PTCHD4: variants seen among roughly 807,000 people sequenced by gnomAD.
PTCHD4 encodes patched domain containing 4.
PTCHD4 carries 33 observed loss-of-function variants against 58.1 expected under a neutral mutation model. The ratio of observed to expected loss-of-function variants is 0.57; its 90% CI spans 0.43 to 0.76. The LOEUF (loss-of-function observed/expected upper bound fraction) is 0.76. Ranked by LOEUF, PTCHD4 falls within the 30% of genes least tolerant of loss-of-function variation. The pLI is 0.00. For synonymous variants in PTCHD4, 478 were observed against 409.6 expected, an observed-to-expected ratio of 1.17 and a Z score of -2.02; for missense variants, 1,058 against 1,027.1, an observed-to-expected ratio of 1.03 and a Z score of -0.41.
At chr6:47,985,048 C>T (rs1252404158) in intron 4 of PTCHD4, among the ~76,000 whole-genome samples, 1 of 151,970 alleles carries the variant, frequency 6.6e-6, no homozygotes, top group Non-Finnish European at 1.5e-5. Context: ...ATGACCATTC[C>T]AACAAATTTT....
intron 4 of PTCHD4, among the ~76,000 whole-genome samples, chr6:47,965,386 A>G (rs969532943): frequency 6.6e-6 from 1 of 152,178 alleles, no homozygotes; most frequent in Non-Finnish European, 1.5e-5. Flanking sequence ...GCATCTGTGT[A>G]TTTTTTAAAA....
intron 1 of PTCHD4, among the ~76,000 whole-genome samples, chr6:48,076,481 T>A (rs781206447): frequency 2.6e-5 from 4 of 152,228 alleles, no homozygotes; most frequent in Non-Finnish European, 4.4e-5. Flanking sequence ...TCAGTATCTA[T>A]GGCAGCTAAG....
chr6:47,976,172 T>A (rs1308383871), intron 4 of PTCHD4, among the ~76,000 whole-genome samples: 1 of 152,150 alleles, frequency 6.6e-6, no homozygotes, highest in Admixed American at 6.5e-5. Context: ...AGCTAGAAAA[T>A]CAATACTTCC....
At chr6:47,894,009 A>G (rs890727425) in intron 4 of PTCHD4, among the ~76,000 whole-genome samples, 1 of 152,218 alleles carries the variant, frequency 6.6e-6, no homozygotes, top group Non-Finnish European at 1.5e-5. Context: ...CTCATCTCTA[A>G]TTTATTCTGC....
intron 4 of PTCHD4, among the ~76,000 whole-genome samples, chr6:47,932,137 T>A (rs1229281029): frequency 1.3e-5 from 2 of 152,146 alleles, no homozygotes; most frequent in Admixed American, 6.5e-5. Flanking sequence ...CACTGAAGAA[T>A]CCCCAGGGTG....
rs1763912108 is a variant in PTCHD4, at chr6:47,878,609, T to C, written c.2226A>G (p.Thr742=). 6.2e-7 allele frequency: 1 copy of C among 1,613,466 alleles called. No homozygotes were observed. The highest frequency in any genetic ancestry group is 1.7e-5 in the Admixed American group (1 of 59,876). Reference sequence around the variant, plus strand: ...CTTGCAAGGAGCTTTTTATACATTGTGTTCGGGTGTGCTCAGTTGCTAATA... The same window carrying C: ...CTTGCAAGGAGCTTTTTATACATTGCGTTCGGGTGTGCTCAGTTGCTAATA... ...TFVLATEHTR[T]QCIKSSLQDH... The change falls in exon 5 of 5, where the codon ACA becomes ACG. Residue 742 remains threonine, a synonymous_variant. Transcript: ENST00000339488.
At position 47,879,249 on chromosome 6, in the gene PTCHD4, C is replaced by T. The variant is rs771804712; in HGVS notation, c.1586G>A (p.Ser529Asn). 6.2e-7 allele frequency: 1 copy of T among 1,612,810 alleles called. No homozygotes were observed. The highest frequency in any genetic ancestry group is 1.7e-5 in the Admixed American group (1 of 59,800). The change falls in exon 5 of 5, where the codon AGC becomes AAC. Residue 529 changes from serine (S) to asparagine (N), a missense_variant. Coordinates refer to ENST00000339488, the MANE Select transcript of PTCHD4 (RefSeq NM_001384253.1). Reference protein sequence around the residue: ...YVYEPLEYWNSSVQDDLRRLC... With the variant: ...YVYEPLEYWNNSVQDDLRRLC... ...TCTTCTTAGGTCATCCTGGACGCTG[C>T]TGTTCCAGTACTCTAGGGGCTCATA... is the stretch of plus-strand genomic sequence containing the variant.
chr6:47,914,712 C>CTG (rs1561954465), intron 4 of PTCHD4, among the ~76,000 whole-genome samples: 1 of 77,864 alleles, frequency 1.3e-5, no homozygotes, highest in African/African-American at 3.4e-5. Flanking sequence ...CTGTCTGTCT[C>CTG]TCTGTCTGTC....
chr6:47,890,738 CT>C (rs757697371), intron 4 of PTCHD4, among the ~76,000 whole-genome samples: 3 of 152,266 alleles, frequency 2.0e-5, no homozygotes, highest in South Asian at 4.1e-4. Context: ...CCGGAGCTCT[CT>C]TTTCAGCTTT....
At chr6:48,041,729 A>AT (rs1020904658) in intron 3 of PTCHD4, among the ~76,000 whole-genome samples, 5 of 151,764 alleles carry the variant, frequency 3.3e-5, no homozygotes, top group Admixed American at 6.6e-5. Context: ...TTTTTGTTTT[A>AT]TTTTTTTAAT....
At chr6:48,051,843 G>A (rs754768235) in intron 3 of PTCHD4, among the ~76,000 whole-genome samples, 13 of 152,080 alleles carry the variant, frequency 8.5e-5, no homozygotes, top group Non-Finnish European at 1.6e-4. Context: ...TTTTTTAAAA[G>A]TATAGAGCTC....
At chr6:47,900,379 T>C (rs1278845856) in intron 4 of PTCHD4, 1 of 152,246 alleles carries the variant, frequency 6.6e-6, no homozygotes, top group Admixed American at 6.5e-5. Context: ...CTAATTATTT[T>C]GAGCATTTTA....
intron 3 of PTCHD4, among the ~76,000 whole-genome samples, chr6:48,061,158 C>T (rs1764614129): frequency 6.6e-6 from 1 of 152,198 alleles, no homozygotes; most frequent in Non-Finnish European, 1.5e-5. Context: ...AGGTTTAATG[C>T]TGCCACTATT....
Position 47,858,752 on chromosome 6 carries a change from A to C in PTCHD4, c.*19551T>G, listed in dbSNP as rs1334137375. 6.6e-6 allele frequency among the ~76,000 whole-genome samples: 1 copy of C among 152,054 alleles called. No homozygotes were observed. Among genetic ancestry groups the C allele is most frequent in the African/African-American group, 2.4e-5 (1 of 41,450 alleles). ...AAACCTGCTGATGTTAAGAAAACTA[A>C]AACAAGTTCCATACAAATGAAAATT... On this transcript the variant is annotated 3_prime_UTR_variant, in exon 5 of 5. Transcript: ENST00000339488.
In PTCHD4 at chr6:47,870,830, A is replaced by G. The variant is rs1285924009; in HGVS notation, c.*7473T>C. On this transcript the variant is annotated 3_prime_UTR_variant, in exon 5 of 5. Coordinates refer to ENST00000339488, the MANE Select transcript of PTCHD4 (RefSeq NM_001384253.1). ...TAGAGCCCAAGGTACAGAACTACAG[A>G]GCAGAAACCTAAAATGGCTTTGTTT... 6.6e-6 allele frequency among the ~76,000 whole-genome samples: 1 copy of G among 151,576 alleles called. No individual in the cohort carries two copies. The highest frequency in any genetic ancestry group is 1.5e-5 in the Non-Finnish European group (1 of 67,682).
intron 4 of PTCHD4, among the ~76,000 whole-genome samples, chr6:47,930,117 T>C (rs1013980572): frequency 1.3e-5 from 2 of 152,180 alleles, no homozygotes; most frequent in Non-Finnish European, 1.5e-5. Context: ...GAAAATAGTA[T>C]ATATTTTTCT....
At chr6:48,064,321 G>A (rs757497695) in intron 3 of PTCHD4, among the ~76,000 whole-genome samples, 1 of 152,010 alleles carries the variant, frequency 6.6e-6, no homozygotes, top group South Asian at 2.1e-4. Flanking sequence ...GAGAAGTGAG[G>A]TTATGTTGGC....
intron 3 of PTCHD4, among the ~76,000 whole-genome samples, chr6:48,011,528 T>C (rs1043422137): frequency 2.6e-5 from 4 of 152,230 alleles, no homozygotes; most frequent in African/African-American, 9.6e-5. Flanking sequence ...GGGTTGCCTG[T>C]TCACTTTGAT....
At chr6:47,967,387 A>G (rs896592928) in intron 4 of PTCHD4, among the ~76,000 whole-genome samples, 1 of 152,198 alleles carries the variant, frequency 6.6e-6, no homozygotes, top group Non-Finnish European at 1.5e-5. Context: ...GAGCATGGGC[A>G]GAGTAGATTT....
Sources: gnomAD v4.1 joint callset for allele counts (sites outside exome capture counted in the v4.1 genomes callset) on GRCh38, gnomAD v4.1.1 for gene constraint, MANE v1.5 for transcripts, NCBI Gene and HGNC (gene_info 2026-07-23, HGNC 2026-07-21) for gene names.